Variants in RAB44 observed in about 807,000 individuals in gnomAD.
RAB44 encodes RAB44, member RAS oncogene family, also known as ras-related protein Rab-44.
A neutral mutation model predicts 93.3 loss-of-function variants in RAB44; 67 were observed. The observed-to-expected ratio is 0.72, with a 90% CI of 0.59 to 0.88. The LOEUF is 0.88. RAB44 is among the 40% of genes least tolerant of loss of function. The probability of loss-of-function intolerance (pLI) is 0.00; values close to 1 mark genes in which losing one functional copy is unlikely to be tolerated. For synonymous variants in RAB44, 427 were observed against 520.3 expected (o/e 0.82, Z 2.44); for missense variants, 1,064 against 1,261.7 (o/e 0.84, Z 2.37).
intron 2 of RAB44, among the ~76,000 whole-genome samples, chr6:36,712,317 A>T (rs1246083479): frequency 6.6e-6 from 1 of 152,144 alleles, no homozygotes; most frequent in Non-Finnish European, 1.5e-5. Flanking sequence ...ATGAAAACTC[A>T]CCAATCCAGA....
chr6:36,725,161 G>A (rs146604288), intron 9 of RAB44, among the ~76,000 whole-genome samples: 72 of 152,170 alleles, frequency 4.7e-4, no homozygotes, highest in Non-Finnish European at 8.5e-4. Flanking sequence ...TGCTCTCTGG[G>A]TCACTTAAAA....
intron 12 of RAB44, among the ~76,000 whole-genome samples, chr6:36,729,486 CTTTTTTT>C (rs1253274086): frequency 7.3e-6 from 1 of 137,214 alleles, no homozygotes; most frequent in African/African-American, 2.7e-5. Flanking sequence ...TTCTTTCTTT[CTTTTTTT>C]TTTTTTTGAG....
chr6:36,722,561 G>C lies in RAB44; in HGVS notation c.2427G>C (p.Arg809Ser). ...TTGAAGATCCAGGAATGGACTCCAG[G>C]GAAGCTGGGCTGACCCCATCCCCGG... ...SRLEDPGMDSREAGLTPSPGD... is the reference protein window; with the variant it reads ...SRLEDPGMDSSEAGLTPSPGD... The change falls in exon 9 of 14, where the codon AGG (arginine) becomes AGC (serine). Residue 809 changes from arginine to serine, a missense_variant. Transcript: ENST00000612677. 6.5e-7 allele frequency: 1 copy of C among 1,548,766 alleles called. No individual in the cohort carries two copies. Among genetic ancestry groups the C allele is most frequent in the Non-Finnish European group, 8.7e-7 (1 of 1,145,858 alleles).
intron 2 of RAB44, among the ~76,000 whole-genome samples, chr6:36,712,920 GA>G: frequency 6.6e-6 from 1 of 152,028 alleles, no homozygotes; most frequent in East Asian, 1.9e-4. Context: ...TCACAGAAAG[GA>G]AAAAAAGTAA....
In RAB44 at chr6:36,727,488, A is replaced by G; in HGVS notation, c.2682-89A>G. The G allele has an allele frequency of 7.6e-6, 6 of 789,346 alleles. No individual in the cohort carries two copies. The Admixed American group carries it at 8.2e-5, about 11-fold the overall frequency. 48.9% of individuals were successfully genotyped at this position (789,346 alleles called of 1,614,324 possible). ...GACATGCTCTGTGGGAAGCAATTAG[A>G]AGTAGGATAGGTTACTTCTCCCACT... is the stretch of plus-strand genomic sequence containing the variant. On this transcript the variant is annotated intron_variant, in intron 10 of 13. Transcript: ENST00000612677.
chr6:36,701,640 T>C (rs1268999338), intron 1 of RAB44, among the ~76,000 whole-genome samples: 3 of 152,186 alleles, frequency 2.0e-5, no homozygotes, highest in African/African-American at 7.2e-5. Flanking sequence ...TGCTCCTTTT[T>C]CAGTGCTCTC....
chr6:36,701,259 G>A (rs935402683), intron 1 of RAB44, among the ~76,000 whole-genome samples: 2 of 152,042 alleles, frequency 1.3e-5, no homozygotes, highest in East Asian at 3.9e-4. Context: ...TCAAGCACAC[G>A]CCACCATGCC....
chr6:36,721,533 GACCCCAACCAGGAGCCAGGGTCCAC>G lies in RAB44; in HGVS notation c.1404_1428del (p.Asn469ArgfsTer83). 1 of 1,234,524 alleles carries G rather than the reference GACCCCAACCAGGAGCCAGGGTCCAC, an allele frequency of 8.1e-7. No individual in the cohort carries two copies. Among genetic ancestry groups the G allele is most frequent in the Non-Finnish European group, 1.0e-6 (1 of 988,332 alleles). The allele number at this position is 1,234,524 out of a possible 1,614,324, so 76.5% of individuals were successfully genotyped here. A position where few individuals can be genotyped will look rare whatever the true frequency, so the allele number is the denominator to read the frequency against. Reference sequence around the variant, plus strand: ...GCAGCCTGTTGAACCGCACGACCCGGACCCCAACCAGGAGCCAGGGTCCACACCCGAGGGCCGCCTCCTCTGGGGT... The same window carrying G: ...GCAGCCTGTTGAACCGCACGACCCGGACCCGAGGGCCGCCTCCTCTGGGGT... On this transcript the variant is annotated frameshift_variant, in exon 9 of 14. Transcript: ENST00000612677. LOFTEE classifies it high-confidence loss of function.
chr6:36,705,090 C>T (rs899827968), intron 2 of RAB44, among the ~76,000 whole-genome samples: 1 of 143,238 alleles, frequency 7.0e-6, no homozygotes, highest in Non-Finnish European at 1.5e-5. Context: ...CACTACACTC[C>T]AGCCTGGGTG....
intron 11 of RAB44, 82 bp downstream of exon 11, chr6:36,727,773 C>A: frequency 1.1e-6 from 1 of 900,656 alleles, no homozygotes; most frequent in Non-Finnish European, 1.8e-6. Context: ...TCTTTTCTCC[C>A]AGGATTACAA....
intron 1 of RAB44, among the ~76,000 whole-genome samples, chr6:36,703,943 T>C (rs1762574618): frequency 6.6e-6 from 1 of 152,106 alleles, no homozygotes; most frequent in East Asian, 1.9e-4. Flanking sequence ...ACTTTGATAG[T>C]TGAGTAGTAG....
chr6:36,706,822 G>A (rs1011261783), intron 2 of RAB44, among the ~76,000 whole-genome samples: 1 of 151,922 alleles, frequency 6.6e-6, no homozygotes, highest in Non-Finnish European at 1.5e-5. Context: ...CGCCTCCTGG[G>A]TTCAAGTGAT....
intron 9 of RAB44, among the ~76,000 whole-genome samples, chr6:36,723,737 A>C (rs1344771241): frequency 6.7e-6 from 1 of 149,748 alleles, no homozygotes; most frequent in East Asian, 2.0e-4. Context: ...CGGGAGGCTG[A>C]GGCAGGAGAA....
intron 1 of RAB44, among the ~76,000 whole-genome samples, chr6:36,702,293 G>GGAGAGAGAGAGAGA (rs567475229): frequency 1.4e-4 from 16 of 115,218 alleles, no homozygotes; most frequent in African/African-American, 5.4e-4. Context: ...CTTCGAAGGG[G>GGAGAGAGAGAGAGA]GAGAGAGAGA....
Position 36,720,352 on chromosome 6 carries a change from C to G in RAB44, c.829-11C>G. ...TCTGGGCTTCTCTCCGCCTCACCCTCCACCCTGCAGCTGGAGGCCCAGCTC... is the reference window on the plus strand; with the variant it reads ...TCTGGGCTTCTCTCCGCCTCACCCTGCACCCTGCAGCTGGAGGCCCAGCTC... On this transcript the variant is annotated splice_polypyrimidine_tract_variant and intron_variant, in intron 7 of 13. Transcript: ENST00000612677. 2 of 1,232,358 alleles carry G rather than the reference C, an allele frequency of 1.6e-6. No individual in the cohort carries two copies. Among genetic ancestry groups the G allele is most frequent in the Non-Finnish European group, 2.0e-6 (2 of 988,124 alleles). The allele number at this position is 1,232,358 out of a possible 1,614,324, so 76.3% of individuals were successfully genotyped here.
intron 10 of RAB44, 32 bp downstream of exon 10, chr6:36,725,975 A>G: frequency 6.6e-7 from 1 of 1,519,076 alleles, no homozygotes; most frequent in Non-Finnish European, 8.9e-7. Flanking sequence ...TGTGTCAGGA[A>G]CCTAGGCTGA....
At chr6:36,729,995 TC>T (rs1323275330) in intron 12 of RAB44, among the ~76,000 whole-genome samples, 6 of 152,222 alleles carry the variant, frequency 3.9e-5, no homozygotes, top group African/African-American at 1.4e-4. Flanking sequence ...CTGTGGATGT[TC>T]ATGTGAGAGG....
chr6:36,708,980 T>C (rs1222604639), intron 2 of RAB44, among the ~76,000 whole-genome samples: 1 of 152,190 alleles, frequency 6.6e-6, no homozygotes, highest in African/African-American at 2.4e-5. Context: ...GTTTCACTCT[T>C]GTTGCCCAGG....
intron 1 of RAB44, among the ~76,000 whole-genome samples, chr6:36,698,987 C>T (rs867685614): frequency 2.0e-5 from 3 of 151,994 alleles, no homozygotes; most frequent in Admixed American, 6.5e-5. Flanking sequence ...GCTGTCAGGC[C>T]GTGGGGGTGC....
Sources: gnomAD v4.1 joint callset for allele counts (sites outside exome capture counted in the v4.1 genomes callset) on GRCh38, gnomAD v4.1.1 for gene constraint, MANE v1.5 for transcripts, NCBI Gene and HGNC (gene_info 2026-07-23, HGNC 2026-07-21) for gene names.